The following MALRD1 variants were observed in gnomAD, a reference collection of about 807,000 sequenced individuals.
MALRD1 encodes the protein MAM and LDL-receptor class A domain-containing protein 1.
Under a neutral mutation model 242.1 loss-of-function variants are expected in MALRD1, and 247 were observed. That is an observed-to-expected ratio of 1.02 (90% CI 0.92 to 1.13). MALRD1 has a LOEUF of 1.13. MALRD1 is among the 50% of genes most tolerant of loss of function. MALRD1 has a pLI of 0.00. For synonymous variants in MALRD1, 995 were observed against 866.6 expected, an observed-to-expected ratio of 1.15 and a Z score of -2.60; for missense variants, 2,989 against 2,533.1, an observed-to-expected ratio of 1.18 and a Z score of -3.86.
rs192542102 is a variant in MALRD1, at chr10:19,189,864, T to C, written c.1952-13864T>C. On this transcript the variant is annotated intron_variant, in intron 14 of 39. Transcript: ENST00000454679. ...AAACTCACAGCTACATTATACTCATTGGTGAAAGACTAAAAGCTTTTCTTC... is the reference window on the plus strand; with the variant it reads ...AAACTCACAGCTACATTATACTCATCGGTGAAAGACTAAAAGCTTTTCTTC... Among the ~76,000 whole-genome samples the C allele has an allele frequency of 3.8e-3, 583 of 152,276 alleles. 5 individuals carry two copies. The highest frequency in any genetic ancestry group is 0.013 in the African/African-American group (539 of 41,568).
Position 19,471,259 on chromosome 10 carries a change from C to T in MALRD1, c.5030-20258C>T, listed in dbSNP as rs199922559. On this transcript the variant is annotated intron_variant, in intron 29 of 39. Transcript: ENST00000454679. ...TAGTCCTACATGTATGGGCTTATTTCTGGGCTCTTGATTATGTTCCATTGG... is the reference window on the plus strand; with the variant it reads ...TAGTCCTACATGTATGGGCTTATTTTTGGGCTCTTGATTATGTTCCATTGG... Among the ~76,000 whole-genome samples the T allele has an allele frequency of 2.0e-5, 3 of 151,918 alleles. No individual in the cohort carries two copies. The East Asian group carries it at 5.8e-4, about 29-fold the overall frequency.
chr10:19,523,534 C>T (rs1444153854), intron 31 of MALRD1, among the ~76,000 whole-genome samples: 1 of 152,094 alleles, frequency 6.6e-6, no homozygotes, highest in Non-Finnish European at 1.5e-5. Flanking sequence ...AACAAAGTTA[C>T]AGAAATGTTA....
intron 28 of MALRD1, among the ~76,000 whole-genome samples, chr10:19,443,627 G>T (rs111959369): frequency 6.6e-6 from 1 of 152,126 alleles, no homozygotes; most frequent in Non-Finnish European, 1.5e-5. Context: ...GTAGTTGAGC[G>T]GTTTTGAGTG....
chr10:19,566,594 T>A (rs940649310), intron 32 of MALRD1, among the ~76,000 whole-genome samples: 28 of 151,166 alleles, frequency 1.9e-4, no homozygotes, highest in Non-Finnish European at 2.9e-4. Context: ...TGGGTCTTAT[T>A]TTTCCCATGT....
At chr10:19,554,358 G>T (rs1038547338) in intron 32 of MALRD1, among the ~76,000 whole-genome samples, 3 of 151,940 alleles carry the variant, frequency 2.0e-5, no homozygotes, top group Admixed American at 2.0e-4. Flanking sequence ...AGGAGGAGGT[G>T]CCAAGCTTGC....
intron 29 of MALRD1, among the ~76,000 whole-genome samples, chr10:19,489,689 C>T (rs1837397224): frequency 6.6e-6 from 1 of 152,080 alleles, no homozygotes; most frequent in Admixed American, 6.5e-5. Context: ...AACATTGCAT[C>T]GGTGGGGGTT....
At chr10:19,342,577 A>G (rs1237970077) in intron 24 of MALRD1, among the ~76,000 whole-genome samples, 1 of 152,188 alleles carries the variant, frequency 6.6e-6, no homozygotes, top group Non-Finnish European at 1.5e-5. Flanking sequence ...TCATATATAA[A>G]TACTAATCCC....
In MALRD1 at chr10:19,498,523, A is replaced by G; in HGVS notation, c.5197A>G (p.Thr1733Ala). 6.5e-7 allele frequency: 1 copy of G among 1,550,384 alleles called. No individual in the cohort carries two copies. Residue 1733 changes from threonine (T) to alanine (A), a missense_variant, in exon 31 of 40, where the codon ACA (threonine) becomes GCA (alanine). Thr to Ala is a moderately conservative substitution (Grantham distance 58). Coordinates refer to ENST00000454679, the MANE Select transcript of MALRD1 (RefSeq NM_001142308.3). ...CACAACAGGAAGCTGCAATTTTGAA[A>G]CAAGTTCAGGAAACTGGACCACAGC... Reference protein sequence around the residue: ...TSTTGSCNFETSSGNWTTACS... With the variant: ...TSTTGSCNFEASSGNWTTACS...
chr10:19,550,695 A>G (rs537566938), intron 32 of MALRD1, among the ~76,000 whole-genome samples: 8 of 152,230 alleles, frequency 5.3e-5, no homozygotes, highest in Middle Eastern at 3.4e-3. Context: ...TAATGGCTGC[A>G]TAGTATTCCA....
intron 26 of MALRD1, among the ~76,000 whole-genome samples, chr10:19,373,048 T>C (rs1351993775): frequency 2.0e-5 from 3 of 151,958 alleles, no homozygotes; most frequent in African/African-American, 7.3e-5. Context: ...TCAAGTGAAT[T>C]TTAAAGATGA....
chr10:19,147,714 G>A (rs1200031532), intron 11 of MALRD1, among the ~76,000 whole-genome samples: 1 of 152,156 alleles, frequency 6.6e-6, no homozygotes, highest in Non-Finnish European at 1.5e-5. Context: ...GGTTATGAAG[G>A]ATGCTTTAAG....
chr10:19,513,730 C>A (rs1043568516), intron 31 of MALRD1, among the ~76,000 whole-genome samples: 1 of 146,724 alleles, frequency 6.8e-6, no homozygotes, highest in Non-Finnish European at 1.5e-5. Flanking sequence ...AAGAGCAAGA[C>A]TCCATCTCAA....
chr10:19,421,805 C>T (rs577325934), intron 28 of MALRD1, among the ~76,000 whole-genome samples: 13 of 152,120 alleles, frequency 8.5e-5, no homozygotes, highest in African/African-American at 2.9e-4. Context: ...TGCCTTTTTT[C>T]CCCTGGCCAG....
At chr10:19,159,697 A>G (rs1373736613) in intron 12 of MALRD1, among the ~76,000 whole-genome samples, 1 of 152,114 alleles carries the variant, frequency 6.6e-6, no homozygotes, top group African/African-American at 2.4e-5. Flanking sequence ...GAACTTCTGA[A>G]TCATGACCTT....
Position 19,331,229 on chromosome 10 carries a change from G to C in MALRD1, c.3688-140G>C, listed in dbSNP as rs938781879. On this transcript the variant is annotated intron_variant, in intron 23 of 39. Transcript: ENST00000454679. ...AATTTCCTGGGTCACTTTCAACATA[G>C]GGACATAAAAAACAAAAACAAAAAC... is the stretch of plus-strand genomic sequence containing the variant. The C allele has an allele frequency of 3.5e-5, 25 of 708,774 alleles. No homozygotes were observed. In the African/African-American group the frequency reaches 4.0e-4, roughly 11 times the overall value. 43.9% of individuals were successfully genotyped at this position (708,774 alleles called of 1,614,324 possible).
At chr10:19,125,369 CTT>C (rs1316165514) in intron 7 of MALRD1, among the ~76,000 whole-genome samples, 3 of 114,946 alleles carry the variant, frequency 2.6e-5, no homozygotes, top group African/African-American at 3.6e-5. Flanking sequence ...TTCTTTCTTT[CTT>C]TCTTTCTTTC....
At chr10:19,226,037 A>C (rs1423786714) in intron 18 of MALRD1, among the ~76,000 whole-genome samples, 1 of 152,180 alleles carries the variant, frequency 6.6e-6, no homozygotes, top group Non-Finnish European at 1.5e-5. Context: ...TATCAGAAAC[A>C]AATACAGATA....
chr10:19,082,860 C>T (rs1403978762), intron 2 of MALRD1, among the ~76,000 whole-genome samples: 1 of 151,884 alleles, frequency 6.6e-6, no homozygotes, highest in Non-Finnish European at 1.5e-5. Context: ...GAACAAAATG[C>T]CATAAACTGA....
intron 18 of MALRD1, among the ~76,000 whole-genome samples, chr10:19,218,366 G>T (rs577671379): frequency 3.9e-5 from 6 of 152,002 alleles, no homozygotes; most frequent in Admixed American, 1.3e-4. Flanking sequence ...TTATGAACAG[G>T]CTACTCTGTT....
Sources: gnomAD v4.1 joint callset for allele counts (sites outside exome capture counted in the v4.1 genomes callset) on GRCh38, gnomAD v4.1.1 for gene constraint, MANE v1.5 for transcripts, NCBI Gene and HGNC (gene_info 2026-07-23, HGNC 2026-07-21) for gene names.